Variants in ITPR2 observed in about 807,000 individuals in gnomAD.
ITPR2 encodes the protein inositol 1,4,5-trisphosphate receptor type 2.
A neutral mutation model predicts 317.1 loss-of-function variants in ITPR2; 207 were observed. The ratio of observed to expected loss-of-function variants is 0.65; its 90% confidence interval spans 0.58 to 0.73. The LOEUF (loss-of-function observed/expected upper bound fraction) is 0.73. Among genes scored for constraint, ITPR2 ranks in the 30% least tolerant of loss-of-function variants. ITPR2 has a pLI of 0.00. For missense variants in ITPR2, 2,613 were observed against 3,284.0 expected (o/e 0.80, Z 4.99); for synonymous variants, 1,156 against 1,149.1 (o/e 1.01, Z -0.12).
At chr12:26,489,239 GA>G (rs1230920071) in intron 39 of ITPR2, among the ~76,000 whole-genome samples, 4 of 152,286 alleles carry the variant, frequency 2.6e-5, no homozygotes, top group African/African-American at 9.6e-5. Context: ...AGTGTAAGGG[GA>G]AAGAAACTCC....
chr12:26,561,656 C>A (rs1307955309), intron 35 of ITPR2, 106 bp downstream of exon 35: 2 of 911,894 alleles, frequency 2.2e-6, no homozygotes, highest in Admixed American at 3.7e-5. Flanking sequence ...AAGGCCTGGT[C>A]CCCAAATAGA....
intron 2 of ITPR2, among the ~76,000 whole-genome samples, chr12:26,770,703 A>T (rs143144788): frequency 6.6e-6 from 1 of 152,174 alleles, no homozygotes; most frequent in African/African-American, 2.4e-5. Context: ...AGGTAGTTTT[A>T]GGTTGGCGCA....
chr12:26,750,332 T>A (rs1949392949), intron 2 of ITPR2, among the ~76,000 whole-genome samples: 1 of 152,148 alleles, frequency 6.6e-6, no homozygotes, highest in Non-Finnish European at 1.5e-5. Context: ...GTACTAGACA[T>A]CTCTCTGAGG....
chr12:26,589,508 G>A (rs1400464131), intron 32 of ITPR2, among the ~76,000 whole-genome samples: 2 of 151,636 alleles, frequency 1.3e-5, no homozygotes, highest in African/African-American at 4.9e-5. Context: ...TTGTTGTCAG[G>A]TCAGGTGCAG....
Position 26,677,796 on chromosome 12 carries a change from A to G in ITPR2, c.1409+4078T>C, listed in dbSNP as rs75327858. On this transcript the variant is annotated intron_variant, in intron 13 of 56. Transcript: ENST00000381340. The stretch of plus-strand genomic sequence containing the variant: ...AGACATCAGGCATTTCAAATATTAA[A>G]CAAAAGATTGCTGGTGTCAGGATAG... Among the ~76,000 whole-genome samples, 114 of 152,334 alleles carry G rather than the reference A, an allele frequency of 7.5e-4. 2 individuals carry two copies. The East Asian group carries it at 0.018, about 24-fold the overall frequency.
chr12:26,505,688 A>G (rs2136901574), intron 37 of ITPR2, among the ~76,000 whole-genome samples: 1 of 152,210 alleles, frequency 6.6e-6, no homozygotes, highest in Middle Eastern at 3.4e-3. Flanking sequence ...CAGGAACTAT[A>G]CCTTTCTTTT....
rs61751235 is a variant in ITPR2, at chr12:26,486,332, C to G, written c.5583G>C (p.Glu1861Asp). 697 of 1,612,772 alleles carry G rather than the reference C, an allele frequency of 4.3e-4. 1 individual carries two copies. The African/African-American group carries it at 6.6e-3, about 15-fold the overall frequency. ...RVRDSTLHLK[E>D]GMKGQLTEAS... ...CTTCTGTTAATTGCCCTTTCATTCC[C>G]TCTTTTAAATGTAGTGTTGAATCTC... Residue 1861 changes from glutamate (E) to aspartate (D), a missense_variant, in exon 41 of 57, where the codon GAG becomes GAC. Glu to Asp is a conservative substitution (Grantham distance 45, BLOSUM62 2). Coordinates refer to ENST00000381340, the MANE Select transcript of ITPR2 (RefSeq NM_002223.4).
rs540130994 is a variant in ITPR2, at chr12:26,435,525, T to C, written c.6769+696A>G. On this transcript the variant is annotated intron_variant, in intron 48 of 56. Coordinates refer to ENST00000381340, the MANE Select transcript of ITPR2 (RefSeq NM_002223.4). ...CAGATTGTAGCCCAAGCCTGTAACA[T>C]ACTTCCCATGCTCTCCACCAAACTT... Among the ~76,000 whole-genome samples the C allele has an allele frequency of 4.6e-5, 7 of 152,312 alleles. No individual in the cohort carries two copies. The South Asian group carries it at 1.0e-3, about 23-fold the overall frequency.
rs143158621 is a variant in ITPR2, at chr12:26,628,310, A to G, written c.2935-148T>C. 593 of 574,926 alleles carry G rather than the reference A, an allele frequency of 1.0e-3. 4 individuals carry two copies. The highest frequency in any genetic ancestry group is 0.01 in the Middle Eastern group (24 of 2,362). 35.6% of individuals were successfully genotyped at this position (574,926 alleles called of 1,614,324 possible). A position where few individuals can be genotyped will look rare whatever the true frequency, so the allele number is the denominator to read the frequency against. On this transcript the variant is annotated intron_variant, in intron 22 of 56. Coordinates refer to ENST00000381340, the MANE Select transcript of ITPR2 (RefSeq NM_002223.4). ...TAACACCAGTTGCCACATGTTTGTC[A>G]GCAATGACTAAGCAAGGGAATTCAT...
At chr12:26,644,813 C>G (rs906742211) in intron 21 of ITPR2, among the ~76,000 whole-genome samples, 1 of 152,114 alleles carries the variant, frequency 6.6e-6, no homozygotes, top group Admixed American at 6.5e-5. Flanking sequence ...TGATCTTGGA[C>G]CTCCTAGCCT....
intron 2 of ITPR2, among the ~76,000 whole-genome samples, chr12:26,760,923 C>T (rs182415664): frequency 9.8e-4 from 149 of 152,316 alleles, no homozygotes; most frequent in African/African-American, 2.9e-3. Context: ...ATAAGCTAGC[C>T]TCCATGGTCC....
chr12:26,538,769 G>T (rs185292956), intron 37 of ITPR2, among the ~76,000 whole-genome samples: 8,462 of 151,962 alleles, frequency 0.056, 330 homozygotes, highest in Middle Eastern at 0.11. Flanking sequence ...TAGATACAGG[G>T]TTTCACCGTG....
At chr12:26,822,147 C>T (rs1034466543) in intron 1 of ITPR2, among the ~76,000 whole-genome samples, 6 of 152,100 alleles carry the variant, frequency 3.9e-5, no homozygotes, top group African/African-American at 1.2e-4. Flanking sequence ...AGGACTCTGT[C>T]GAGGAAATCT....
chr12:26,353,977 T>A (rs1442340766), intron 55 of ITPR2, among the ~76,000 whole-genome samples: 1 of 152,090 alleles, frequency 6.6e-6, no homozygotes. Flanking sequence ...AAAAATAGAA[T>A]TAAAAACTGT....
At chr12:26,708,486 TA>T (rs1592058509) in intron 9 of ITPR2, among the ~76,000 whole-genome samples, 1 of 152,186 alleles carries the variant, frequency 6.6e-6, no homozygotes, top group Non-Finnish European at 1.5e-5. Flanking sequence ...TTAAGTGAAA[TA>T]AGCCAGGCAC....
chr12:26,386,760 C>T (rs996200454), intron 55 of ITPR2, among the ~76,000 whole-genome samples: 1 of 152,270 alleles, frequency 6.6e-6, no homozygotes, highest in Admixed American at 6.5e-5. Context: ...TAAATGTGTA[C>T]ACATATACAC....
chr12:26,361,318 T>A (rs1938823934), intron 55 of ITPR2, among the ~76,000 whole-genome samples: 1 of 152,196 alleles, frequency 6.6e-6, no homozygotes, highest in Non-Finnish European at 1.5e-5. Flanking sequence ...CAGCATTATT[T>A]ATGTGGTCTA....
At chr12:26,820,098 T>C (rs556491188) in intron 1 of ITPR2, among the ~76,000 whole-genome samples, 6 of 152,194 alleles carry the variant, frequency 3.9e-5, no homozygotes, top group Middle Eastern at 3.4e-3. Flanking sequence ...GCCATGTACA[T>C]TACTTTTTCA....
intron 55 of ITPR2, among the ~76,000 whole-genome samples, chr12:26,365,610 G>A (rs1217520927): frequency 1.3e-5 from 2 of 152,194 alleles, no homozygotes; most frequent in African/African-American, 4.8e-5. Context: ...TAGGAAGTAG[G>A]AAAGAGAAGG....
Sources: allele counts gnomAD v4.1 joint callset (sites outside exome capture counted in the v4.1 genomes callset), GRCh38; gene constraint gnomAD v4.1.1; transcripts MANE v1.5; gene names NCBI Gene and HGNC (gene_info 2026-07-23, HGNC 2026-07-21).